The following SYN2 variants were observed in gnomAD, a reference collection of about 807,000 sequenced individuals.
SYN2 encodes the protein synapsin-2.
In SYN2, 19 loss-of-function variants were observed where a neutral mutation model predicts 50.9. That is an observed-to-expected ratio of 0.37 (90% confidence interval 0.26 to 0.55). SYN2 has a LOEUF of 0.55. SYN2 is among the 20% of genes least tolerant of loss of function. SYN2 has a pLI of 0.81. For synonymous variants in SYN2, 255 were observed against 224.9 expected (o/e 1.13, Z -1.20); for missense variants, 587 against 576.4 (o/e 1.02, Z -0.19).
intron 12 of SYN2, 127 bp downstream of exon 12, chr3:12,187,739 G>A (rs111363783): frequency 6.1e-5 from 30 of 491,516 alleles, no homozygotes; most frequent in Non-Finnish European, 7.4e-5. Flanking sequence ...ATGGGATTTG[G>A]TTTTTTTTTG....
At chr3:12,185,191 C>T in intron 11 of SYN2, 1 of 985,768 alleles carries the variant, frequency 1.0e-6, no homozygotes, top group Non-Finnish European at 1.2e-6. Flanking sequence ...AGAATCAGGT[C>T]CTTAAATACC....
At chr3:12,149,070 C>G (rs1488087913) in intron 4 of SYN2, among the ~76,000 whole-genome samples, 1 of 152,130 alleles carries the variant, frequency 6.6e-6, no homozygotes, top group Non-Finnish European at 1.5e-5. Flanking sequence ...GGGTGAGCTC[C>G]CTGAGACCCA....
intron 1 of SYN2, among the ~76,000 whole-genome samples, chr3:12,068,202 C>G (rs1488668684): frequency 7.0e-6 from 1 of 142,264 alleles, no homozygotes; most frequent in East Asian, 2.1e-4. Context: ...AAAGCTCAAC[C>G]TTTCATGTCT....
chr3:12,189,865 G>A (rs1328372388), intron 12 of SYN2, among the ~76,000 whole-genome samples: 1 of 152,160 alleles, frequency 6.6e-6, no homozygotes, highest in Non-Finnish European at 1.5e-5. Context: ...TTTGAGCCAA[G>A]CCAATATATT....
rs187724717 is a variant in SYN2, at chr3:12,058,851, A to G, written c.377+53923A>G. ...CATCTCCTGAGAGTCCCTTCTCATT[A>G]CAGTTTAATGCTGGTTCCAGCTGTT... On this transcript the variant is annotated intron_variant, in intron 1 of 12. Transcript: ENST00000621198. Among the ~76,000 whole-genome samples, 4 of 152,298 alleles carry G rather than the reference A, an allele frequency of 2.6e-5. No homozygotes were observed. The East Asian group carries it at 7.7e-4, about 29-fold the overall frequency.
At chr3:12,089,678 G>A (rs562019144) in intron 1 of SYN2, among the ~76,000 whole-genome samples, 35 of 152,246 alleles carry the variant, frequency 2.3e-4, no homozygotes, top group African/African-American at 7.7e-4. Flanking sequence ...GAATCTAGCA[G>A]GAATAGTTAA....
At chr3:12,029,885 ATTGC>A in intron 1 of SYN2, among the ~76,000 whole-genome samples, 1 of 98,922 alleles carries the variant, frequency 1.0e-5, no homozygotes, top group Non-Finnish European at 1.8e-5. Context: ...CTCTTGCCTG[ATTGC>A]CCTGGCCAGA....
chr3:12,027,613 T>G (rs1694289832), intron 1 of SYN2, among the ~76,000 whole-genome samples: 1 of 152,202 alleles, frequency 6.6e-6, no homozygotes, highest in African/African-American at 2.4e-5. Context: ...ACTAGGCACT[T>G]TACATATATT....
chr3:12,041,802 G>A (rs564446699), intron 1 of SYN2, among the ~76,000 whole-genome samples: 28 of 152,194 alleles, frequency 1.8e-4, no homozygotes, highest in Admixed American at 1.2e-3. Context: ...TGTTATATCC[G>A]GCGTTATGTC....
intron 5 of SYN2, chr3:12,153,633 T>C (rs778270554): frequency 2.5e-6 from 4 of 1,614,158 alleles, no homozygotes; most frequent in Middle Eastern, 1.6e-4. Context: ...ACCATAGAGC[T>C]TTCGTTCCAA....
chr3:12,071,595 A>G, intron 1 of SYN2: 1 of 338,810 alleles, frequency 3.0e-6, no homozygotes, highest in South Asian at 2.4e-5. Context: ...TAGAATGCCT[A>G]TACATATCTT....
intron 1 of SYN2, among the ~76,000 whole-genome samples, chr3:12,043,243 C>A (rs982464213): frequency 6.6e-6 from 1 of 152,040 alleles, no homozygotes; most frequent in African/African-American, 2.4e-5. Flanking sequence ...AGGCTGGTCT[C>A]GAGCGCCTGA....
chr3:12,180,185 G>C (rs988236264), intron 10 of SYN2, among the ~76,000 whole-genome samples: 4 of 151,650 alleles, frequency 2.6e-5, no homozygotes, highest in African/African-American at 9.7e-5. Context: ...CTGGGCTCAA[G>C]TGATCCACGC....
chr3:12,120,664 T>C (rs1287012273), intron 1 of SYN2, among the ~76,000 whole-genome samples: 1 of 152,168 alleles, frequency 6.6e-6, no homozygotes, highest in Non-Finnish European at 1.5e-5. Context: ...AATTTCCTCA[T>C]TAGCTTCTGT....
intron 1 of SYN2, among the ~76,000 whole-genome samples, chr3:12,075,093 A>C (rs979491789): frequency 6.6e-6 from 1 of 152,230 alleles, no homozygotes; most frequent in African/African-American, 2.4e-5. Flanking sequence ...TCATTAATCT[A>C]TTCTCCTTAC....
Position 12,190,954 on chromosome 3 carries a change from A to G in SYN2, c.*329A>G. On this transcript the variant is annotated 3_prime_UTR_variant, in exon 13 of 13. Transcript: ENST00000621198. The stretch of plus-strand genomic sequence containing the variant: ...CATCATGTCTTATTCTTCCCTGTGA[A>G]ACCAGGATTAATCGTGGACTCCTGG... 1 of 1,056,928 alleles carries G rather than the reference A, an allele frequency of 9.5e-7. No homozygotes were observed. Among genetic ancestry groups the G allele is most frequent in the Non-Finnish European group, 1.1e-6 (1 of 876,904 alleles). 65.5% of individuals were successfully genotyped at this position (1,056,928 alleles called of 1,614,324 possible).
chr3:12,048,811 T>A (rs1030952494), intron 1 of SYN2, among the ~76,000 whole-genome samples: 4 of 152,210 alleles, frequency 2.6e-5, no homozygotes, highest in Non-Finnish European at 5.9e-5. Flanking sequence ...AAATGGTAGC[T>A]CGGGTTCAAA....
intron 1 of SYN2, among the ~76,000 whole-genome samples, chr3:12,021,900 A>G (rs1052674912): frequency 6.6e-6 from 1 of 152,072 alleles, no homozygotes; most frequent in Non-Finnish European, 1.5e-5. Flanking sequence ...CCCCGTCTCT[A>G]TTAAAAATAT....
chr3:12,185,595 C>T, intron 11 of SYN2: 5 of 985,860 alleles, frequency 5.1e-6, no homozygotes, highest in Non-Finnish European at 6.0e-6. Flanking sequence ...CTATTTCTTT[C>T]CTGACGTTGT....
Sources: gnomAD v4.1 joint callset for allele counts (sites outside exome capture counted in the v4.1 genomes callset) on GRCh38, gnomAD v4.1.1 for gene constraint, MANE v1.5 for transcripts, NCBI Gene and HGNC (gene_info 2026-07-23, HGNC 2026-07-21) for gene names.